SPAG16: variants seen among roughly 807,000 people sequenced by gnomAD.
SPAG16 encodes the protein sperm-associated antigen 16 protein.
SPAG16 carries 86 observed loss-of-function variants against 80.4 expected under a neutral mutation model. That is an observed-to-expected ratio of 1.07 (90% confidence interval 0.90 to 1.28). SPAG16 has a LOEUF of 1.28. SPAG16 is among the 50% of genes most tolerant of loss of function. SPAG16 has a pLI of 0.00. For synonymous variants in SPAG16, 294 were observed against 265.9 expected (o/e 1.11, Z -1.03); for missense variants, 870 against 765.3 (o/e 1.14, Z -1.61).
intron 15 of SPAG16, among the ~76,000 whole-genome samples, chr2:214,262,359 T>C (rs1246303390): frequency 6.6e-6 from 1 of 152,070 alleles, no homozygotes; most frequent in Non-Finnish European, 1.5e-5. Context: ...TTACCTGTAA[T>C]ATACTATAAT....
intron 11 of SPAG16, among the ~76,000 whole-genome samples, chr2:213,896,579 TACAC>T (rs1202863779): frequency 2.4e-5 from 2 of 82,832 alleles, no homozygotes; most frequent in African/African-American, 7.5e-5. Context: ...ATGTGATATA[TACAC>T]ACACACACGC....
intron 9 of SPAG16, among the ~76,000 whole-genome samples, chr2:213,483,367 A>G (rs1323731126): frequency 1.3e-5 from 2 of 152,230 alleles, no homozygotes; most frequent in African/African-American, 4.8e-5. Context: ...TAATTGATAC[A>G]TATTGCCAAA....
At chr2:214,000,507 T>C (rs2046743164) in intron 12 of SPAG16, among the ~76,000 whole-genome samples, 1 of 152,108 alleles carries the variant, frequency 6.6e-6, no homozygotes, top group Non-Finnish European at 1.5e-5. Context: ...AACACGAAGA[T>C]TTGTCGTTTC....
intron 9 of SPAG16, among the ~76,000 whole-genome samples, chr2:213,460,521 C>T (rs1424960212): frequency 6.6e-6 from 1 of 152,128 alleles, no homozygotes; most frequent in Non-Finnish European, 1.5e-5. Context: ...AGGAATAAAA[C>T]AGAATCACGT....
intron 15 of SPAG16, among the ~76,000 whole-genome samples, chr2:214,177,677 G>T (rs888734549): frequency 2.0e-5 from 3 of 150,074 alleles, no homozygotes; most frequent in African/African-American, 7.3e-5. Flanking sequence ...TTTGCTTTCC[G>T]TTGTACATTG....
chr2:214,255,049 T>C (rs1378427813), intron 15 of SPAG16, among the ~76,000 whole-genome samples: 1 of 152,120 alleles, frequency 6.6e-6, no homozygotes, highest in Non-Finnish European at 1.5e-5. Flanking sequence ...CATTTTAATA[T>C]GCATAGTAAA....
rs968117445 is a variant in SPAG16 at position 213,537,666 on chromosome 2, AT to A, written c.1070+47585del. Among the ~76,000 whole-genome samples, 644 of 150,188 alleles carry A rather than the reference AT, an allele frequency of 4.3e-3. 4 individuals carry two copies. The highest frequency in any genetic ancestry group is 0.015 in the African/African-American group (594 of 40,904). On this transcript the variant is annotated intron_variant, in intron 10 of 15. Coordinates refer to ENST00000331683, the MANE Select transcript of SPAG16 (RefSeq NM_024532.5). ...ATTTTTGGCAAAGCCACCTCTTAAC[AT>A]TTTTTTTTCTGTATCTTGATTTCAG...
intron 10 of SPAG16, among the ~76,000 whole-genome samples, chr2:213,610,690 C>A (rs566655271): frequency 5.3e-5 from 8 of 152,212 alleles, no homozygotes; most frequent in African/African-American, 1.9e-4. Flanking sequence ...AGTACAGATT[C>A]TCCATAGACA....
chr2:214,110,625 G>A (rs1234430040), intron 14 of SPAG16, among the ~76,000 whole-genome samples: 2 of 152,212 alleles, frequency 1.3e-5, no homozygotes, highest in Non-Finnish European at 2.9e-5. Context: ...AGAGTAGCAT[G>A]ATTTATAATC....
intron 10 of SPAG16, among the ~76,000 whole-genome samples, chr2:213,590,546 C>T (rs1170154349): frequency 6.6e-6 from 1 of 151,630 alleles, no homozygotes; most frequent in African/African-American, 2.4e-5. Context: ...ACTTATGAAA[C>T]ACTAGCATCA....
chr2:214,222,739 T>A (rs560174800), intron 15 of SPAG16, among the ~76,000 whole-genome samples: 2 of 152,286 alleles, frequency 1.3e-5, no homozygotes, highest in South Asian at 4.1e-4. Flanking sequence ...TTTCAAGAGA[T>A]CCACCTGAGG....
At chr2:214,304,163 C>G (rs1384513857) in intron 15 of SPAG16, among the ~76,000 whole-genome samples, 1 of 152,192 alleles carries the variant, frequency 6.6e-6, no homozygotes, top group Non-Finnish European at 1.5e-5. Context: ...TCCAGCTTAA[C>G]ACATATCCCT....
chr2:213,405,569 C>G (rs1489219618), intron 9 of SPAG16, among the ~76,000 whole-genome samples: 1 of 152,076 alleles, frequency 6.6e-6, no homozygotes, highest in African/African-American at 2.4e-5. Context: ...AACACTAGAA[C>G]TTATTCCTTC....
At chr2:214,010,097 C>G (rs976834257) in intron 12 of SPAG16, among the ~76,000 whole-genome samples, 1 of 136,476 alleles carries the variant, frequency 7.3e-6, no homozygotes, top group African/African-American at 3.1e-5. Flanking sequence ...AATAAAATGT[C>G]AAAAGAGTTA....
At chr2:214,151,956 A>C (rs2055993312) in intron 15 of SPAG16, among the ~76,000 whole-genome samples, 1 of 152,218 alleles carries the variant, frequency 6.6e-6, no homozygotes, top group African/African-American at 2.4e-5. Flanking sequence ...ATAATATTTA[A>C]TGTCTCTAGA....
intron 10 of SPAG16, among the ~76,000 whole-genome samples, chr2:213,566,462 T>A (rs916797967): frequency 6.6e-6 from 1 of 152,072 alleles, no homozygotes; most frequent in African/African-American, 2.4e-5. Flanking sequence ...AAGAAAAAAA[T>A]ACAATTTGAG....
intron 10 of SPAG16, among the ~76,000 whole-genome samples, chr2:213,679,508 C>T (rs1244555559): frequency 1.3e-5 from 2 of 151,586 alleles, no homozygotes; most frequent in African/African-American, 4.9e-5. Flanking sequence ...TTCACACTTA[C>T]CAGATGCCTT....
chr2:213,859,181 A>C (rs2075310314), intron 10 of SPAG16, among the ~76,000 whole-genome samples: 1 of 98,402 alleles, frequency 1.0e-5, no homozygotes, highest in African/African-American at 3.8e-5. Flanking sequence ...TCCGTCTCAA[A>C]AAAAAAAAAA....
chr2:213,909,282 C>G (rs7424311), intron 11 of SPAG16, among the ~76,000 whole-genome samples: 3 of 151,600 alleles, frequency 2.0e-5, no homozygotes, highest in Non-Finnish European at 4.4e-5. Context: ...GAATCAATAT[C>G]GTGAAAATGG....
Sources: gnomAD v4.1 joint callset for allele counts (sites outside exome capture counted in the v4.1 genomes callset) on GRCh38, gnomAD v4.1.1 for gene constraint, MANE v1.5 for transcripts, NCBI Gene and HGNC (gene_info 2026-07-23, HGNC 2026-07-21) for gene names.